The following INPP4B variants were observed in gnomAD, a reference collection of about 807,000 sequenced individuals.
INPP4B encodes inositol polyphosphate 4-phosphatase type II.
Under a neutral mutation model 122.5 loss-of-function variants are expected in INPP4B, and 55 were observed. The observed-to-expected ratio is 0.45, with a 90% CI of 0.36 to 0.56. The LOEUF is 0.56. Among genes scored for constraint, INPP4B ranks in the 20% least tolerant of loss-of-function variants. The pLI, the probability that INPP4B is intolerant of heterozygous loss-of-function variation, is 0.00. For missense variants in INPP4B, 1,000 were observed against 1,097.7 expected (o/e 0.91, Z 1.26); for synonymous variants, 403 against 388.7 (o/e 1.04, Z -0.43).
intron 7 of INPP4B, among the ~76,000 whole-genome samples, chr4:142,341,614 C>A (rs954864571): frequency 2.0e-5 from 3 of 152,006 alleles, no homozygotes; most frequent in Non-Finnish European, 2.9e-5. Context: ...TAGACTATGG[C>A]GAAGGTCATA....
chr4:142,524,762 C>T (rs1478099193), intron 2 of INPP4B, among the ~76,000 whole-genome samples: 3 of 151,958 alleles, frequency 2.0e-5, no homozygotes, highest in South Asian at 2.1e-4. Flanking sequence ...CTATCTATGA[C>T]AAACCCACAG....
At chr4:142,790,471 A>G (rs1374337548) in intron 1 of INPP4B, among the ~76,000 whole-genome samples, 1 of 152,136 alleles carries the variant, frequency 6.6e-6, no homozygotes, top group Non-Finnish European at 1.5e-5. Context: ...AAAATGTTCA[A>G]CATCACTACT....
chr4:142,498,402 G>A (rs1354796334), intron 2 of INPP4B, among the ~76,000 whole-genome samples: 1 of 151,854 alleles, frequency 6.6e-6, no homozygotes, highest in Non-Finnish European at 1.5e-5. Context: ...GAGATAATTA[G>A]AGCTACCTTA....
At chr4:142,044,093 AT>A (rs958612025) in intron 25 of INPP4B, among the ~76,000 whole-genome samples, 76 of 152,216 alleles carry the variant, frequency 5.0e-4, no homozygotes, top group African/African-American at 1.6e-3. Flanking sequence ...GAAAGAAAAA[AT>A]TTAAAAAGTT....
At chr4:142,140,880 CATTAT>C (rs1807426445) in intron 18 of INPP4B, among the ~76,000 whole-genome samples, 2 of 152,140 alleles carry the variant, frequency 1.3e-5, no homozygotes, top group African/African-American at 4.8e-5. Context: ...GCTTAGATAT[CATTAT>C]ATTAGAATAG....
At chr4:142,357,313 C>T (rs1783930275) in intron 7 of INPP4B, among the ~76,000 whole-genome samples, 1 of 151,884 alleles carries the variant, frequency 6.6e-6, no homozygotes, top group Non-Finnish European at 1.5e-5. Context: ...AGCCCTTAAC[C>T]TGTGGGGTCT....
intron 2 of INPP4B, among the ~76,000 whole-genome samples, chr4:142,653,218 G>T (rs1409025488): frequency 1.3e-5 from 2 of 151,982 alleles, no homozygotes; most frequent in Non-Finnish European, 1.5e-5. Flanking sequence ...ATACAAAACT[G>T]AATTTGAGAT....
intron 7 of INPP4B, among the ~76,000 whole-genome samples, chr4:142,363,127 T>A (rs1786085002): frequency 6.6e-6 from 1 of 152,058 alleles, no homozygotes; most frequent in Non-Finnish European, 1.5e-5. Flanking sequence ...AGAGGGAAGG[T>A]ACAGAGTTAG....
At chr4:142,296,665 G>C (rs1758843126) in intron 9 of INPP4B, among the ~76,000 whole-genome samples, 1 of 152,204 alleles carries the variant, frequency 6.6e-6, no homozygotes, top group African/African-American at 2.4e-5. Context: ...CTTAGTCTCA[G>C]AACAATCAGC....
intron 2 of INPP4B, among the ~76,000 whole-genome samples, chr4:142,638,806 A>G (rs1206009454): frequency 6.6e-6 from 1 of 152,114 alleles, no homozygotes; most frequent in African/African-American, 2.4e-5. Context: ...TTGGCCTCCC[A>G]AAGTGCTGGG....
intron 2 of INPP4B, among the ~76,000 whole-genome samples, chr4:142,518,073 T>C (rs1471927067): frequency 6.6e-6 from 1 of 152,190 alleles, no homozygotes; most frequent in Non-Finnish European, 1.5e-5. Flanking sequence ...GACATCTTCC[T>C]GAATTACAAT....
chr4:142,643,198 A>G (rs1014626257), intron 2 of INPP4B, among the ~76,000 whole-genome samples: 1 of 152,188 alleles, frequency 6.6e-6, no homozygotes, highest in Non-Finnish European at 1.5e-5. Flanking sequence ...TAAATATACA[A>G]TCATGCCATC....
intron 2 of INPP4B, among the ~76,000 whole-genome samples, chr4:142,719,116 C>G (rs1764182739): frequency 6.6e-6 from 1 of 152,032 alleles, no homozygotes; most frequent in African/African-American, 2.4e-5. Context: ...GGGAACAACT[C>G]TTCCTTTCTC....
intron 1 of INPP4B, among the ~76,000 whole-genome samples, chr4:142,729,589 C>T (rs906470462): frequency 6.6e-6 from 1 of 152,158 alleles, no homozygotes; most frequent in East Asian, 1.9e-4. Context: ...AGCAAGAAGG[C>T]TCCCTCTTTG....
At chr4:142,499,775 A>G (rs1823119527) in intron 2 of INPP4B, among the ~76,000 whole-genome samples, 1 of 152,146 alleles carries the variant, frequency 6.6e-6, no homozygotes, top group Non-Finnish European at 1.5e-5. Context: ...CCCTTTAACC[A>G]GTAGAAAATA....
intron 12 of INPP4B, among the ~76,000 whole-genome samples, chr4:142,220,443 T>TA (rs1848917005): frequency 6.6e-6 from 1 of 152,266 alleles, no homozygotes; most frequent in Non-Finnish European, 1.5e-5. Flanking sequence ...ATATAGTGCT[T>TA]ATTCTATGTC....
intron 2 of INPP4B, among the ~76,000 whole-genome samples, chr4:142,611,376 A>G (rs1349486512): frequency 2.0e-5 from 3 of 152,144 alleles, no homozygotes; most frequent in Non-Finnish European, 2.9e-5. Flanking sequence ...GAACCATACC[A>G]GAATATATGC....
intron 2 of INPP4B, among the ~76,000 whole-genome samples, chr4:142,636,264 G>T (rs1402627009): frequency 6.6e-6 from 1 of 151,890 alleles, no homozygotes; most frequent in Non-Finnish European, 1.5e-5. Flanking sequence ...CAAGTCTCGG[G>T]TATTTCTTTA....
At chr4:142,057,373 A>T (rs1392582902) in intron 25 of INPP4B, among the ~76,000 whole-genome samples, 5 of 152,118 alleles carry the variant, frequency 3.3e-5, no homozygotes, top group Non-Finnish European at 7.4e-5. Context: ...AATTTTTGTT[A>T]TTCTTCCTCC....
Sources: allele counts gnomAD v4.1 joint callset (sites outside exome capture counted in the v4.1 genomes callset), GRCh38; gene constraint gnomAD v4.1.1; transcripts MANE v1.5; gene names NCBI Gene and HGNC (gene_info 2026-07-23, HGNC 2026-07-21).